NXPE1: variants seen among roughly 807,000 people sequenced by gnomAD.
The protein encoded by NXPE1 is NXPE family member 1.
A neutral mutation model predicts 33.3 loss-of-function variants in NXPE1; 31 were observed. The observed-to-expected ratio is 0.93, with a 90% CI of 0.70 to 1.26. NXPE1 has a LOEUF of 1.26. Ranked by LOEUF, NXPE1 falls within the 50% of genes most tolerant of loss-of-function variation. The probability of loss-of-function intolerance (pLI) is 0.00; values close to 1 mark genes in which losing one functional copy is unlikely to be tolerated. For missense variants in NXPE1, 661 were observed against 655.6 expected, an observed-to-expected ratio of 1.01 and a Z score of -0.09; for synonymous variants, 229 against 231.4, an observed-to-expected ratio of 0.99 and a Z score of 0.09.
intron 5 of NXPE1, 29 bp from the exon 6 acceptor site, chr11:114,530,937 T>C: frequency 6.4e-7 from 1 of 1,552,916 alleles, no homozygotes; most frequent in Non-Finnish European, 8.7e-7. Flanking sequence ...TGATATACTA[T>C]GAAATTAACC....
chr11:114,554,251 T>C, intron 1 of NXPE1: 4 of 970,802 alleles, frequency 4.1e-6, no homozygotes, highest in Non-Finnish European at 4.9e-6. Flanking sequence ...GCCTCTATTG[T>C]ATTTGACTGT....
intron 5 of NXPE1, among the ~76,000 whole-genome samples, chr11:114,535,343 A>C (rs1057164098): frequency 2.0e-5 from 3 of 152,214 alleles, no homozygotes; most frequent in Non-Finnish European, 4.4e-5. Context: ...AATTGTAAAG[A>C]ATATCAAGGC....
intron 5 of NXPE1, among the ~76,000 whole-genome samples, chr11:114,540,059 G>A (rs564849319): frequency 2.6e-5 from 4 of 152,224 alleles, no homozygotes; most frequent in African/African-American, 2.4e-5. Flanking sequence ...CCTCCAAAGC[G>A]ATTCTCCTGC....
chr11:114,550,980 A>G, intron 5 of NXPE1, 123 bp downstream of exon 5: 1 of 602,524 alleles, frequency 1.7e-6, no homozygotes, highest in Non-Finnish European at 3.0e-6. Flanking sequence ...AGAGAGAGAG[A>G]AGATAGGGCA....
intron 5 of NXPE1, among the ~76,000 whole-genome samples, chr11:114,547,537 C>G (rs1948323844): frequency 6.6e-6 from 1 of 152,082 alleles, no homozygotes; most frequent in Non-Finnish European, 1.5e-5. Flanking sequence ...GAGTTTGAGA[C>G]CAGCCTGGCC....
intron 5 of NXPE1, among the ~76,000 whole-genome samples, chr11:114,542,076 A>AT (rs996438486): frequency 1.5e-4 from 23 of 152,118 alleles, no homozygotes; most frequent in Admixed American, 1.4e-3. Flanking sequence ...GTATGTTGAG[A>AT]TTTTTTGCTA....
At chr11:114,521,586 G>A (rs145012590), downstream of NXPE1, 110 of 166,348 alleles carry the variant, frequency 6.6e-4, no homozygotes, top group Admixed American at 5.9e-3. Flanking sequence ...TAGGGTGCTC[G>A]GAGTGATTAT....
rs78056395 is a variant in NXPE1, at chr11:114,556,743, T to C, written c.-211+3055A>G. 6.2e-3 allele frequency among the ~76,000 whole-genome samples: 948 copies of C among 152,170 alleles called. 10 individuals carry two copies. Among genetic ancestry groups the C allele is most frequent in the African/African-American group, 0.022 (927 of 41,522 alleles). On this transcript the variant is annotated intron_variant, in intron 1 of 8. Transcript: ENST00000534921. The stretch of plus-strand genomic sequence containing the variant: ...TACTGTTCTATGAGAAATATTAGTC[T>C]CATCTAAGCCACTCTGACATTTTTT...
intron 5 of NXPE1, among the ~76,000 whole-genome samples, chr11:114,536,904 A>C (rs1336840136): frequency 6.6e-6 from 1 of 151,738 alleles, no homozygotes; most frequent in Non-Finnish European, 1.5e-5. Flanking sequence ...TCAGTAGAAA[A>C]CGGGAATCCT....
chr11:114,544,784 A>G (rs1948217203), intron 5 of NXPE1, among the ~76,000 whole-genome samples: 1 of 152,180 alleles, frequency 6.6e-6, no homozygotes, highest in South Asian at 2.1e-4. Flanking sequence ...ATGCAGAGAT[A>G]AGCCATAGAG....
chr11:114,555,165 G>A (rs1449721487), intron 1 of NXPE1, among the ~76,000 whole-genome samples: 2 of 151,878 alleles, frequency 1.3e-5, no homozygotes, highest in Non-Finnish European at 2.9e-5. Context: ...GCATTAACTG[G>A]GAATTGTTTC....
chr11:114,538,225 T>C (rs1947923762), intron 5 of NXPE1, among the ~76,000 whole-genome samples: 1 of 152,206 alleles, frequency 6.6e-6, no homozygotes, highest in South Asian at 2.1e-4. Flanking sequence ...TGGCTAGCCA[T>C]ATGTAGAAAG....
chr11:114,523,942 A>G (rs1170487634), intron 7 of NXPE1, among the ~76,000 whole-genome samples: 2 of 152,232 alleles, frequency 1.3e-5, no homozygotes, highest in Non-Finnish European at 2.9e-5. Flanking sequence ...AATGACTTAA[A>G]AATAAAAGAT....
At chr11:114,519,639 G>A (rs1947162787), downstream of NXPE1, among the ~76,000 whole-genome samples, 1 of 152,144 alleles carries the variant, frequency 6.6e-6, no homozygotes, top group African/African-American at 2.4e-5. Flanking sequence ...TTGACAGGTG[G>A]AAGGAGGGGC....
intron 5 of NXPE1, among the ~76,000 whole-genome samples, chr11:114,539,352 G>A (rs1426037689): frequency 6.6e-6 from 1 of 152,036 alleles, no homozygotes; most frequent in Non-Finnish European, 1.5e-5. Context: ...GTTAATGGGT[G>A]CAGCACACCA....
intron 5 of NXPE1, among the ~76,000 whole-genome samples, chr11:114,546,471 C>CT (rs57557121): frequency 0.011 from 1,641 of 145,988 alleles, 15 homozygotes; most frequent in Non-Finnish European, 0.018. Flanking sequence ...TTTTCTTTTT[C>CT]TTTTTTTTTT....
intron 7 of NXPE1, chr11:114,526,372 C>A (rs963658270): frequency 6.6e-6 from 1 of 151,004 alleles, no homozygotes; most frequent in Non-Finnish European, 1.5e-5. Flanking sequence ...TAAAATCATC[C>A]CATCTAGAGA....
intron 5 of NXPE1, among the ~76,000 whole-genome samples, chr11:114,545,525 G>A (rs1266541727): frequency 6.6e-6 from 1 of 152,160 alleles, no homozygotes; most frequent in East Asian, 1.9e-4. Context: ...TGGTTCTATA[G>A]AGATCAAAAA....
chr11:114,552,804 C>A, intron 2 of NXPE1, 48 bp downstream of exon 2: 1 of 812,630 alleles, frequency 1.2e-6, no homozygotes, highest in Non-Finnish European at 1.5e-6. Context: ...TTCTCAATCT[C>A]CTTTTCATAG....
Sources: allele counts gnomAD v4.1 joint callset (sites outside exome capture counted in the v4.1 genomes callset), GRCh38; gene constraint gnomAD v4.1.1; transcripts MANE v1.5; gene names NCBI Gene and HGNC (gene_info 2026-07-23, HGNC 2026-07-21).